The following ANO3 variants were observed in gnomAD, a reference collection of about 807,000 sequenced individuals.
ANO3 encodes anoctamin 3.
Under a neutral mutation model 144.8 loss-of-function variants are expected in ANO3, and 99 were observed. The ratio of observed to expected loss-of-function variants is 0.68; its 90% confidence interval spans 0.58 to 0.81. ANO3 has a LOEUF of 0.81. Among genes scored for constraint, ANO3 ranks in the 30% least tolerant of loss-of-function variants. The pLI is 0.00. For missense variants in ANO3, 905 were observed against 1,202.2 expected (o/e 0.75, Z 3.66); for synonymous variants, 414 against 392.6 (o/e 1.05, Z -0.64).
intron 18 of ANO3, 151 bp downstream of exon 18, chr11:26,624,649 G>T: frequency 1.7e-6 from 1 of 587,756 alleles, no homozygotes. Flanking sequence ...TAGGAAGTTG[G>T]TCTATATTGA....
intron 24 of ANO3, 26 bp from the exon 25 acceptor site, chr11:26,656,099 C>G (rs1400579939): frequency 1.3e-6 from 2 of 1,541,952 alleles, no homozygotes; most frequent in Non-Finnish European, 1.8e-6. Context: ...ATCTTTGAAT[C>G]ACATGATATT....
intron 8 of ANO3, among the ~76,000 whole-genome samples, chr11:26,531,993 A>G (rs191932576): frequency 6.6e-6 from 1 of 152,300 alleles, no homozygotes; most frequent in Non-Finnish European, 1.5e-5. Flanking sequence ...GTAAATTTAT[A>G]ATTAACTGGG....
intron 1 of ANO3, among the ~76,000 whole-genome samples, chr11:26,283,818 A>T (rs1853739803): frequency 6.6e-6 from 1 of 152,206 alleles, no homozygotes. Flanking sequence ...GCAAATTGTA[A>T]CGAATGCCCT....
intron 1 of ANO3, among the ~76,000 whole-genome samples, chr11:26,404,474 T>G (rs1308285964): frequency 6.6e-6 from 1 of 151,796 alleles, no homozygotes; most frequent in Non-Finnish European, 1.5e-5. Flanking sequence ...TATATTTGAT[T>G]CCATTTAAAG....
chr11:26,492,119 A>T (rs1440320802), intron 4 of ANO3, among the ~76,000 whole-genome samples: 1 of 152,230 alleles, frequency 6.6e-6, no homozygotes, highest in Non-Finnish European at 1.5e-5. Flanking sequence ...GAATGGGAAT[A>T]ATTTAGTTAT....
intron 1 of ANO3, among the ~76,000 whole-genome samples, chr11:26,222,341 C>T (rs747746001): frequency 6.6e-6 from 1 of 152,226 alleles, no homozygotes; most frequent in African/African-American, 2.4e-5. Flanking sequence ...AAAGCTCCAT[C>T]CCTGTGGCTT....
At chr11:26,361,760 C>T (rs192246837) in intron 1 of ANO3, among the ~76,000 whole-genome samples, 1 of 152,310 alleles carries the variant, frequency 6.6e-6, no homozygotes, top group Admixed American at 6.5e-5. Flanking sequence ...TTTTGACACT[C>T]TGGTTTCTTT....
intron 1 of ANO3, among the ~76,000 whole-genome samples, chr11:26,325,786 C>T (rs1441557652): frequency 6.6e-6 from 1 of 152,186 alleles, no homozygotes; most frequent in African/African-American, 2.4e-5. Context: ...CCTGGTCAAA[C>T]CAGCCATAAA....
intron 1 of ANO3, among the ~76,000 whole-genome samples, chr11:26,380,041 G>C (rs1856547125): frequency 6.6e-6 from 1 of 152,102 alleles, no homozygotes; most frequent in Non-Finnish European, 1.5e-5. Context: ...GTTGTTCTTG[G>C]TTCTGTGGAC....
intron 2 of ANO3, among the ~76,000 whole-genome samples, chr11:26,443,339 C>T (rs891967315): frequency 2.6e-5 from 4 of 152,082 alleles, no homozygotes; most frequent in Non-Finnish European, 5.9e-5. Context: ...TGATGGCTCA[C>T]GACTGTAATC....
At chr11:26,604,146 A>G (rs1304783702) in intron 17 of ANO3, among the ~76,000 whole-genome samples, 9 of 151,680 alleles carry the variant, frequency 5.9e-5, no homozygotes. Flanking sequence ...TATGATATGA[A>G]CTCATTTATT....
chr11:26,647,892 T>C (rs781506770), intron 24 of ANO3, 36 bp downstream of exon 24: 2 of 1,576,728 alleles, frequency 1.3e-6, no homozygotes, highest in African/African-American at 2.7e-5. Context: ...CTGATATGTT[T>C]TACATTTGTA....
chr11:26,573,028 G>A (rs1310712950), intron 14 of ANO3, among the ~76,000 whole-genome samples: 1 of 152,182 alleles, frequency 6.6e-6, no homozygotes, highest in Admixed American at 6.5e-5. Context: ...ATGAAAGGGA[G>A]AAGAGTGAAA....
intron 7 of ANO3, among the ~76,000 whole-genome samples, chr11:26,527,577 C>T (rs982333744): frequency 2.0e-5 from 3 of 151,986 alleles, no homozygotes; most frequent in Non-Finnish European, 4.4e-5. Flanking sequence ...TGAAATCAAA[C>T]GTGGCCATTT....
At chr11:26,584,317 C>T (rs1045894949) in intron 14 of ANO3, among the ~76,000 whole-genome samples, 4 of 152,094 alleles carry the variant, frequency 2.6e-5, no homozygotes, top group African/African-American at 9.7e-5. Context: ...TGCCACCATG[C>T]CCGGCTAATT....
At chr11:26,570,226 A>G (rs1396070391) in intron 14 of ANO3, among the ~76,000 whole-genome samples, 1 of 152,138 alleles carries the variant, frequency 6.6e-6, no homozygotes, top group Non-Finnish European at 1.5e-5. Context: ...AATGAACACG[A>G]CTTTCGCCTT....
intron 1 of ANO3, among the ~76,000 whole-genome samples, chr11:26,235,810 A>ACTTG (rs111247233): frequency 6.6e-5 from 10 of 151,568 alleles, no homozygotes; most frequent in African/African-American, 2.4e-4. Context: ...CTATGTAATC[A>ACTTG]TTTGTCTACA....
At chr11:26,380,711 A>G (rs1016889145) in intron 1 of ANO3, among the ~76,000 whole-genome samples, 4 of 152,010 alleles carry the variant, frequency 2.6e-5, no homozygotes, top group Non-Finnish European at 4.4e-5. Context: ...TTAATATAAG[A>G]AGTCTCACGC....
At chr11:26,501,114 G>GA (rs1290426628) in intron 4 of ANO3, among the ~76,000 whole-genome samples, 1 of 152,168 alleles carries the variant, frequency 6.6e-6, no homozygotes, top group African/African-American at 2.4e-5. Flanking sequence ...ATAGGATTAA[G>GA]AAAAACAAAC....
Sources: gnomAD v4.1 joint callset for allele counts (sites outside exome capture counted in the v4.1 genomes callset) on GRCh38, gnomAD v4.1.1 for gene constraint, MANE v1.5 for transcripts, NCBI Gene and HGNC (gene_info 2026-07-23, HGNC 2026-07-21) for gene names.